Variants in CHCHD3 observed in about 807,000 individuals in gnomAD.
CHCHD3 encodes the protein coiled-coil-helix-coiled-coil-helix domain containing 3.
Under a neutral mutation model 38.2 loss-of-function variants are expected in CHCHD3, and 20 were observed. The ratio of observed to expected loss-of-function variants is 0.52; its 90% CI spans 0.37 to 0.76. The LOEUF is 0.76. CHCHD3 is among the 30% of genes least tolerant of loss of function. CHCHD3 has a pLI of 0.00. For missense variants in CHCHD3, 245 were observed against 279.2 expected (o/e 0.88, Z 0.87); for synonymous variants, 82 against 100.0 (o/e 0.82, Z 1.07).
intron 1 of CHCHD3, among the ~76,000 whole-genome samples, chr7:133,074,961 T>C (rs1814935292): frequency 6.6e-6 from 1 of 152,170 alleles, no homozygotes; most frequent in Non-Finnish European, 1.5e-5. Context: ...TTCATTTTTA[T>C]CAACTGGGTC....
At chr7:132,793,365 T>C (rs1437809433) in intron 7 of CHCHD3, among the ~76,000 whole-genome samples, 1 of 152,238 alleles carries the variant, frequency 6.6e-6, no homozygotes, top group African/African-American at 2.4e-5. Flanking sequence ...TGCTCCTTCC[T>C]TTGTAAATGC....
chr7:132,972,504 G>T, intron 4 of CHCHD3: 4 of 826,090 alleles, frequency 4.8e-6, no homozygotes, highest in Non-Finnish European at 2.9e-6. Flanking sequence ...GTATCCCTTT[G>T]TATTTATTTT....
At chr7:132,982,640 GCT>G (rs1811947940) in intron 3 of CHCHD3, among the ~76,000 whole-genome samples, 1 of 152,152 alleles carries the variant, frequency 6.6e-6, no homozygotes, top group Non-Finnish European at 1.5e-5. Context: ...CATTTATTAT[GCT>G]TACTCGTACC....
chr7:132,830,261 G>A (rs574433756), intron 6 of CHCHD3, among the ~76,000 whole-genome samples: 15 of 152,170 alleles, frequency 9.9e-5, no homozygotes, highest in African/African-American at 3.4e-4. Flanking sequence ...CACTTTCCTT[G>A]GACTAATTTG....
chr7:133,006,078 C>T (rs1236220069), intron 3 of CHCHD3, among the ~76,000 whole-genome samples: 1 of 152,094 alleles, frequency 6.6e-6, no homozygotes, highest in South Asian at 2.1e-4. Context: ...TTAACATTAA[C>T]CTAAAATGAT....
intron 5 of CHCHD3, among the ~76,000 whole-genome samples, chr7:132,880,771 TA>T (rs1180081621): frequency 6.6e-6 from 1 of 152,114 alleles, no homozygotes; most frequent in Non-Finnish European, 1.5e-5. Context: ...TATAAAGCAT[TA>T]TGGACATATT....
rs1806290438 is a variant in CHCHD3, at chr7:132,785,504, C to T, written c.*133G>A. 1.2e-6 allele frequency: 1 copy of T among 848,450 alleles called. No individual in the cohort carries two copies. The highest frequency in any genetic ancestry group is 1.7e-5 in the African/African-American group (1 of 58,548). 52.6% of individuals were successfully genotyped at this position (848,450 alleles called of 1,614,324 possible). On this transcript the variant is annotated 3_prime_UTR_variant, in exon 8 of 8. Transcript: ENST00000262570. ...AAACGTGAAATGATTCTGCTGAATC[C>T]ATTCTTGATGTCTCTCTTTAGTGGT...
At chr7:133,003,613 T>G (rs1019195364) in intron 3 of CHCHD3, among the ~76,000 whole-genome samples, 4 of 152,226 alleles carry the variant, frequency 2.6e-5, no homozygotes, top group Non-Finnish European at 4.4e-5. Flanking sequence ...ACTTCTTTTT[T>G]CTTACTATGA....
At chr7:132,787,044 A>C (rs1457734500) in intron 7 of CHCHD3, among the ~76,000 whole-genome samples, 1 of 152,070 alleles carries the variant, frequency 6.6e-6, no homozygotes, top group Non-Finnish European at 1.5e-5. Flanking sequence ...ATCCAGGTGG[A>C]GGACTGGGGT....
chr7:132,981,032 C>T (rs1243039308), intron 3 of CHCHD3, among the ~76,000 whole-genome samples: 1 of 152,128 alleles, frequency 6.6e-6, no homozygotes, highest in Non-Finnish European at 1.5e-5. Context: ...CTTGCCCAGG[C>T]TGGAGTGCAG....
At chr7:133,060,608 G>T (rs548300583) in intron 2 of CHCHD3, among the ~76,000 whole-genome samples, 2 of 152,076 alleles carry the variant, frequency 1.3e-5, no homozygotes, top group Admixed American at 1.3e-4. Context: ...GGAACAACAC[G>T]GTCAAAAACC....
intron 2 of CHCHD3, among the ~76,000 whole-genome samples, chr7:133,063,780 C>T (rs867964720): frequency 4.6e-5 from 7 of 152,166 alleles, no homozygotes; most frequent in African/African-American, 1.4e-4. Context: ...TGAGATAGAA[C>T]AGCTCTGAAG....
chr7:133,000,152 T>A (rs1388286920), intron 3 of CHCHD3, among the ~76,000 whole-genome samples: 1 of 152,166 alleles, frequency 6.6e-6, no homozygotes, highest in African/African-American at 2.4e-5. Context: ...GTAATACTCT[T>A]CGTTCAATAT....
rs1225761179 is a variant in CHCHD3, at chr7:132,971,596, T to C, written c.369+3573A>G. On this transcript the variant is annotated intron_variant, in intron 4 of 7. Transcript: ENST00000262570. ...ACATCTAAGGAGACAGAAACCTAAA[T>C]GTCAGCTGTTAGTGAGCCAGAAAGA... is the stretch of plus-strand genomic sequence containing the variant. Among the ~76,000 whole-genome samples the C allele has an allele frequency of 1.1e-4, 16 of 151,958 alleles. 1 individual carries two copies. Among genetic ancestry groups the C allele is most frequent in the Admixed American group, 8.5e-4 (13 of 15,272 alleles).
intron 4 of CHCHD3, among the ~76,000 whole-genome samples, chr7:132,951,868 C>A (rs956810427): frequency 6.6e-6 from 1 of 152,170 alleles, no homozygotes; most frequent in Non-Finnish European, 1.5e-5. Context: ...CTAAACATCA[C>A]AAGCTCATTA....
At chr7:133,037,739 G>A (rs547215167) in intron 2 of CHCHD3, among the ~76,000 whole-genome samples, 23 of 152,242 alleles carry the variant, frequency 1.5e-4, no homozygotes, top group Admixed American at 1.2e-3. Context: ...CTCAAACCCG[G>A]GAAGCAGAGG....
intron 2 of CHCHD3, among the ~76,000 whole-genome samples, chr7:133,060,095 T>C (rs2117518119): frequency 6.6e-6 from 1 of 152,312 alleles, no homozygotes; most frequent in South Asian, 2.1e-4. Context: ...GGTATCAACT[T>C]GGAAAGTCCA....
intron 3 of CHCHD3, among the ~76,000 whole-genome samples, chr7:133,018,564 T>C (rs1185944491): frequency 6.6e-6 from 1 of 152,222 alleles, no homozygotes; most frequent in African/African-American, 2.4e-5. Context: ...AGGTTGAAGG[T>C]ATGTAATTTT....
intron 3 of CHCHD3, among the ~76,000 whole-genome samples, chr7:133,018,785 T>A (rs906754271): frequency 6.6e-6 from 1 of 151,966 alleles, no homozygotes; most frequent in African/African-American, 2.4e-5. Context: ...AAGGTTATCA[T>A]GATTTTCCAG....
Sources: gnomAD v4.1 joint callset for allele counts (sites outside exome capture counted in the v4.1 genomes callset) on GRCh38, gnomAD v4.1.1 for gene constraint, MANE v1.5 for transcripts, NCBI Gene and HGNC (gene_info 2026-07-23, HGNC 2026-07-21) for gene names.